CCBE1: variants seen among roughly 807,000 people sequenced by gnomAD.
The protein encoded by CCBE1 is collagen and calcium-binding EGF domain-containing protein 1.
A neutral mutation model predicts 50.0 loss-of-function variants in CCBE1; 37 were observed. The ratio of observed to expected loss-of-function variants is 0.74; its 90% CI spans 0.57 to 0.97. CCBE1 has a LOEUF of 0.97. Ranked by LOEUF, CCBE1 falls within the 50% of genes least tolerant of loss-of-function variation. CCBE1 has a pLI of 0.00. For synonymous variants in CCBE1, 234 were observed against 203.7 expected (o/e 1.15, Z -1.27); for missense variants, 538 against 523.8 (o/e 1.03, Z -0.26).
rs1015900267 is a variant in CCBE1 at position 59,570,496 on chromosome 18, T to C, written c.213-90258A>G. Among the ~76,000 whole-genome samples the C allele has an allele frequency of 3.9e-5, 6 of 152,232 alleles. No individual in the cohort carries two copies. The East Asian group carries it at 7.7e-4, about 20-fold the overall frequency. On this transcript the variant is annotated intron_variant, in intron 2 of 10. Coordinates refer to ENST00000439986, the MANE Select transcript of CCBE1 (RefSeq NM_133459.4). Reference sequence around the variant, plus strand: ...TCTGGTCTGCTGGCTGTAACACTTCTGGATTCTGCGAGACTTTGCATACAT... The same window carrying C: ...TCTGGTCTGCTGGCTGTAACACTTCCGGATTCTGCGAGACTTTGCATACAT...
chr18:59,595,101 C>T (rs894521209), intron 2 of CCBE1, among the ~76,000 whole-genome samples: 18 of 130,842 alleles, frequency 1.4e-4, no homozygotes, highest in East Asian at 4.3e-4. Context: ...GGCAACAGAG[C>T]GAGACTCTGT....
intron 2 of CCBE1, among the ~76,000 whole-genome samples, chr18:59,679,102 A>T (rs2054550217): frequency 6.6e-6 from 1 of 152,190 alleles, no homozygotes; most frequent in African/African-American, 2.4e-5. Context: ...AGTAATTTTT[A>T]TTTAAGTGTT....
chr18:59,689,363 G>C (rs2054699965), intron 2 of CCBE1, among the ~76,000 whole-genome samples: 1 of 152,224 alleles, frequency 6.6e-6, no homozygotes, highest in African/African-American at 2.4e-5. Context: ...AGTTTCTGAA[G>C]TCCTCAAGGT....
At chr18:59,573,440 G>A (rs1040966854) in intron 2 of CCBE1, among the ~76,000 whole-genome samples, 18 of 151,540 alleles carry the variant, frequency 1.2e-4, no homozygotes, top group Non-Finnish European at 2.7e-4. Flanking sequence ...CAAGACTGCA[G>A]CATCAGCTCT....
intron 2 of CCBE1, among the ~76,000 whole-genome samples, chr18:59,523,938 T>C (rs955863676): frequency 3.3e-5 from 5 of 152,250 alleles, no homozygotes; most frequent in African/African-American, 1.2e-4. Flanking sequence ...GAAATCTTTC[T>C]GTGACTATCT....
At chr18:59,449,495 G>T (rs139435484) in intron 6 of CCBE1, among the ~76,000 whole-genome samples, 4 of 152,014 alleles carry the variant, frequency 2.6e-5, no homozygotes, top group Non-Finnish European at 5.9e-5. Flanking sequence ...GGTGGTGCAC[G>T]CCTGTAGTCC....
chr18:59,437,688 G>T (rs77370053), intron 10 of CCBE1, among the ~76,000 whole-genome samples: 20,351 of 126,172 alleles, frequency 0.16, 1,438 homozygotes, highest in African/African-American at 0.19. Context: ...GCGTGGTTTT[G>T]CACTTTTTAA....
chr18:59,623,533 A>T (rs2053739476), intron 2 of CCBE1, among the ~76,000 whole-genome samples: 1 of 152,232 alleles, frequency 6.6e-6, no homozygotes, highest in African/African-American at 2.4e-5. Flanking sequence ...CAAGGATAGG[A>T]TGCCTTCCTG....
intron 2 of CCBE1, among the ~76,000 whole-genome samples, chr18:59,659,232 C>T (rs1397707017): frequency 6.6e-6 from 1 of 151,934 alleles, no homozygotes; most frequent in Non-Finnish European, 1.5e-5. Context: ...GGAAATGGGG[C>T]CTCCCACACT....
At chr18:59,584,151 C>G (rs1161553484) in intron 2 of CCBE1, among the ~76,000 whole-genome samples, 1 of 152,000 alleles carries the variant, frequency 6.6e-6, no homozygotes, top group Non-Finnish European at 1.5e-5. Flanking sequence ...AAATATACAC[C>G]ATGGAATACT....
intron 4 of CCBE1, among the ~76,000 whole-genome samples, chr18:59,467,647 C>T (rs1421122766): frequency 6.6e-6 from 1 of 152,170 alleles, no homozygotes; most frequent in African/African-American, 2.4e-5. Flanking sequence ...TTTCCCACCA[C>T]GAGGACAGTG....
chr18:59,449,526 G>T (rs867944775), intron 6 of CCBE1, among the ~76,000 whole-genome samples: 6 of 151,694 alleles, frequency 4.0e-5, no homozygotes, highest in Non-Finnish European at 5.9e-5. Context: ...GGAGGCTAAG[G>T]CAGGAGAACT....
chr18:59,537,894 G>C (rs1484514218), intron 2 of CCBE1, among the ~76,000 whole-genome samples: 1 of 152,186 alleles, frequency 6.6e-6, no homozygotes, highest in Non-Finnish European at 1.5e-5. Flanking sequence ...TTTCCTGTTT[G>C]TAAAGTAGAG....
intron 2 of CCBE1, among the ~76,000 whole-genome samples, chr18:59,550,214 C>T (rs1218199824): frequency 5.3e-5 from 8 of 152,144 alleles, no homozygotes; most frequent in East Asian, 1.9e-4. Context: ...TCCTCTAATT[C>T]AGGGATTGGC....
At chr18:59,619,658 G>A (rs948066576) in intron 2 of CCBE1, among the ~76,000 whole-genome samples, 1 of 152,132 alleles carries the variant, frequency 6.6e-6, no homozygotes, top group Non-Finnish European at 1.5e-5. Flanking sequence ...AGTGATCTTA[G>A]TGTTTTGTTC....
At chr18:59,533,380 G>A (rs1365225540) in intron 2 of CCBE1, among the ~76,000 whole-genome samples, 1 of 152,074 alleles carries the variant, frequency 6.6e-6, no homozygotes, top group African/African-American at 2.4e-5. Context: ...ACTTAAAATA[G>A]CTTCACTAAA....
intron 5 of CCBE1, among the ~76,000 whole-genome samples, chr18:59,455,485 T>C (rs1251759294): frequency 1.3e-5 from 2 of 152,134 alleles, no homozygotes; most frequent in East Asian, 3.9e-4. Flanking sequence ...CGCCACTCCA[T>C]CTGGGGCCAT....
At chr18:59,623,071 C>T (rs930451329) in intron 2 of CCBE1, among the ~76,000 whole-genome samples, 2 of 152,144 alleles carry the variant, frequency 1.3e-5, no homozygotes, top group African/African-American at 4.8e-5. Context: ...AAATGCACCA[C>T]TCTGGAAAGG....
chr18:59,666,704 T>C (rs1211980665), intron 2 of CCBE1, among the ~76,000 whole-genome samples: 1 of 152,280 alleles, frequency 6.6e-6, no homozygotes, highest in Non-Finnish European at 1.5e-5. Flanking sequence ...TGGTGGCTCA[T>C]GCCTGTAATC....
Sources: gnomAD v4.1 joint callset for allele counts (sites outside exome capture counted in the v4.1 genomes callset) on GRCh38, gnomAD v4.1.1 for gene constraint, MANE v1.5 for transcripts, NCBI Gene and HGNC (gene_info 2026-07-23, HGNC 2026-07-21) for gene names.